Variants in SYNE3 observed in about 807,000 individuals in gnomAD.
SYNE3 encodes the protein spectrin repeat containing nuclear envelope family member 3, also known as nesprin-3.
SYNE3 carries 100 observed loss-of-function variants against 111.2 expected under a neutral mutation model. The ratio of observed to expected loss-of-function variants is 0.90; its 90% CI spans 0.77 to 1.06. The LOEUF (loss-of-function observed/expected upper bound fraction) is 1.06, where lower values mean the gene tolerates loss of function less well. Ranked by LOEUF, SYNE3 falls within the 50% of genes least tolerant of loss-of-function variation. The probability of loss-of-function intolerance (pLI) is 0.00; values close to 1 mark genes in which losing one functional copy is unlikely to be tolerated. For missense variants in SYNE3, 1,160 were observed against 1,240.3 expected (o/e 0.94, Z 0.97); for synonymous variants, 547 against 533.9 (o/e 1.02, Z -0.34).
chr14:95,466,304 T>C, intron 3 of SYNE3, 64 bp from the exon 4 acceptor site: 2 of 1,502,316 alleles, frequency 1.3e-6, no homozygotes, highest in South Asian at 2.6e-5. Context: ...GTCGGGGGTC[T>C]GTGCTGTCAC....
At chr14:95,468,565 C>G (rs8018925) in intron 2 of SYNE3, among the ~76,000 whole-genome samples, 94,201 of 151,894 alleles carry the variant, frequency 0.62, 29,491 homozygotes, top group Admixed American at 0.72. Flanking sequence ...GAGTGAGTGA[C>G]TGTAACTCAC....
chr14:95,461,290 G>A (rs1046879543), intron 4 of SYNE3, among the ~76,000 whole-genome samples: 1 of 152,218 alleles, frequency 6.6e-6, no homozygotes, highest in Non-Finnish European at 1.5e-5. Context: ...TTCTGTGAGG[G>A]CCGCCACGGG....
At chr14:95,478,146 G>C (rs1889002015) in intron 1 of SYNE3, among the ~76,000 whole-genome samples, 1 of 152,196 alleles carries the variant, frequency 6.6e-6, no homozygotes, top group East Asian at 1.9e-4. Context: ...CAACCGAACT[G>C]TGGGCTGGGC....
intron 1 of SYNE3, among the ~76,000 whole-genome samples, chr14:95,477,442 A>G (rs1555357488): frequency 6.6e-6 from 1 of 152,110 alleles, no homozygotes; most frequent in Non-Finnish European, 1.5e-5. Context: ...CTTAGAATTT[A>G]CTTTACAATT....
At chr14:95,511,306 C>T (rs115288745) in intron 1 of SYNE3, among the ~76,000 whole-genome samples, 1,568 of 152,326 alleles carry the variant, frequency 0.01, 24 homozygotes, top group African/African-American at 0.036. Context: ...AGATTCTAAG[C>T]ACTGCTTCTG....
Position 95,415,275 on chromosome 14 carries a change from G to GA in SYNE3, c.*2550_*2551insT, listed in dbSNP as rs1903542669. On this transcript the variant is annotated 3_prime_UTR_variant, in exon 18 of 18. Coordinates refer to ENST00000682763, the MANE Select transcript of SYNE3 (RefSeq NM_152592.6). ...ACATAGGAAAGTGGACACCTGGCAA[G>GA]GCCCCCCCACCCACCCACCCTGCCA... 2.5e-5 allele frequency: 2 copies of GA among 79,386 alleles called. No homozygotes were observed. The highest frequency in any genetic ancestry group is 5.4e-5 in the Non-Finnish European group (2 of 36,784). The allele number at this position is 79,386 out of a possible 1,614,324, so 4.9% of individuals were successfully genotyped here.
At chr14:95,471,393 G>A (rs1025896672) in intron 2 of SYNE3, among the ~76,000 whole-genome samples, 1 of 152,244 alleles carries the variant, frequency 6.6e-6, no homozygotes, top group Non-Finnish European at 1.5e-5. Flanking sequence ...AAGAGGCACA[G>A]GCTGGACAGA....
At chr14:95,477,822 G>A (rs1452433753) in intron 1 of SYNE3, among the ~76,000 whole-genome samples, 2 of 152,244 alleles carry the variant, frequency 1.3e-5, no homozygotes, top group African/African-American at 2.4e-5. Flanking sequence ...AAGTGCATTG[G>A]ATGTGCAAGC....
chr14:95,503,293 G>T (rs749873341), intron 1 of SYNE3, among the ~76,000 whole-genome samples: 37 of 152,334 alleles, frequency 2.4e-4, no homozygotes, highest in African/African-American at 8.4e-4. Flanking sequence ...TTGTATACCA[G>T]TCTCTAACTC....
chr14:95,497,553 C>T (rs1008617317), intron 1 of SYNE3, among the ~76,000 whole-genome samples: 2 of 152,194 alleles, frequency 1.3e-5, no homozygotes, highest in Non-Finnish European at 2.9e-5. Context: ...AATTAACACC[C>T]TAGAATAATG....
chr14:95,455,882 C>T (rs1281426201), intron 5 of SYNE3, 158 bp from the exon 6 acceptor site: 11 of 682,678 alleles, frequency 1.6e-5, no homozygotes, highest in Non-Finnish European at 1.9e-5. Context: ...GACTGTCTGC[C>T]TTAAGTAGCA....
At chr14:95,498,537 A>G (rs1890195466) in intron 1 of SYNE3, among the ~76,000 whole-genome samples, 1 of 152,230 alleles carries the variant, frequency 6.6e-6, no homozygotes, top group Admixed American at 6.5e-5. Context: ...CAAAGATTTC[A>G]TAGTTCCACT....
intron 8 of SYNE3, 75 bp from the exon 9 acceptor site, chr14:95,446,166 G>C: frequency 1.3e-6 from 2 of 1,544,656 alleles, no homozygotes; most frequent in Non-Finnish European, 1.8e-6. Flanking sequence ...GGGCACAACT[G>C]TTCTGGCTGC....
intron 17 of SYNE3, among the ~76,000 whole-genome samples, chr14:95,431,442 A>G (rs1426915247): frequency 2.0e-5 from 3 of 152,230 alleles, no homozygotes; most frequent in Non-Finnish European, 2.9e-5. Context: ...AACTTAGCAC[A>G]GTTCCTGGCA....
chr14:95,504,829 GAAAA>G (rs992941575), intron 1 of SYNE3, among the ~76,000 whole-genome samples: 1 of 22,426 alleles, frequency 4.5e-5, no homozygotes, highest in Non-Finnish European at 9.7e-5. Context: ...TAAAAAAAAA[GAAAA>G]AAGAAAAAAG....
intron 15 of SYNE3, among the ~76,000 whole-genome samples, chr14:95,436,129 GCCATAT>G (rs1886070981): frequency 6.6e-6 from 1 of 152,164 alleles, no homozygotes; most frequent in Non-Finnish European, 1.5e-5. Context: ...CCTCCCCCCA[GCCATAT>G]CCATACCCAC....
At chr14:95,438,851 T>C (rs986014394) in intron 14 of SYNE3, 182 bp downstream of exon 14, 2 of 794,086 alleles carry the variant, frequency 2.5e-6, no homozygotes, top group Non-Finnish European at 3.9e-6. Context: ...AGGTCCTCTG[T>C]GGAGTAGGAT....
intron 1 of SYNE3, among the ~76,000 whole-genome samples, chr14:95,514,820 G>A (rs74625473): frequency 0.09 from 13,692 of 152,254 alleles, 871 homozygotes; most frequent in Non-Finnish European, 0.13. Flanking sequence ...TTGACGTTGA[G>A]CTGGGCCTGC....
chr14:95,449,668 C>T (rs1471198270), intron 8 of SYNE3: 2 of 985,242 alleles, frequency 2.0e-6, no homozygotes, highest in Non-Finnish European at 2.4e-6. Context: ...AGTGCTAATG[C>T]CTCCACCTGG....
Sources: gnomAD v4.1 joint callset for allele counts (sites outside exome capture counted in the v4.1 genomes callset) on GRCh38, gnomAD v4.1.1 for gene constraint, MANE v1.5 for transcripts, NCBI Gene and HGNC (gene_info 2026-07-23, HGNC 2026-07-21) for gene names.